Variants in PRKD1 observed in about 807,000 individuals in gnomAD.
The protein encoded by PRKD1 is serine/threonine-protein kinase D1.
PRKD1 carries 63 observed loss-of-function variants against 95.9 expected under a neutral mutation model. The ratio of observed to expected loss-of-function variants is 0.66; its 90% confidence interval spans 0.54 to 0.81. The LOEUF (loss-of-function observed/expected upper bound fraction) is 0.81, where lower values mean the gene tolerates loss of function less well. Among genes scored for constraint, PRKD1 ranks in the 30% least tolerant of loss-of-function variants. PRKD1 has a pLI of 0.00. For missense variants in PRKD1, 1,048 were observed against 1,165.3 expected (o/e 0.90, Z 1.47); for synonymous variants, 425 against 423.1 (o/e 1.00, Z -0.05).
chr14:29,595,254 T>C (rs1386485329), intron 16 of PRKD1, among the ~76,000 whole-genome samples: 1 of 152,222 alleles, frequency 6.6e-6, no homozygotes, highest in Non-Finnish European at 1.5e-5. Flanking sequence ...TCCCTCTTGC[T>C]AAAATGCTAT....
chr14:29,723,938 T>C (rs1335212559), intron 2 of PRKD1, among the ~76,000 whole-genome samples: 1 of 151,458 alleles, frequency 6.6e-6, no homozygotes, highest in Non-Finnish European at 1.5e-5. Context: ...ACATAAAGGG[T>C]GGACAGCAGG....
intron 1 of PRKD1, among the ~76,000 whole-genome samples, chr14:29,794,767 A>G (rs573356924): frequency 2.0e-5 from 3 of 151,204 alleles, no homozygotes; most frequent in Admixed American, 6.6e-5. Context: ...GCTGTATTTT[A>G]TTTTGAATTG....
intron 2 of PRKD1, among the ~76,000 whole-genome samples, chr14:29,693,604 T>G (rs909032522): frequency 2.8e-5 from 4 of 144,716 alleles, no homozygotes; most frequent in African/African-American, 1.1e-4. Context: ...TTCCATGGAC[T>G]GTAAGCACTT....
At chr14:29,683,059 A>G (rs980294882) in intron 2 of PRKD1, among the ~76,000 whole-genome samples, 1 of 152,116 alleles carries the variant, frequency 6.6e-6, no homozygotes. Context: ...GAGGCTTCTG[A>G]GTAGAGATGG....
intron 1 of PRKD1, among the ~76,000 whole-genome samples, chr14:29,780,654 G>T (rs1594512159): frequency 6.6e-6 from 1 of 152,190 alleles, no homozygotes; most frequent in African/African-American, 2.4e-5. Flanking sequence ...TGTTGGAGAG[G>T]ATGTGGAGAA....
intron 1 of PRKD1, among the ~76,000 whole-genome samples, chr14:29,791,799 T>C (rs1157265813): frequency 7.2e-5 from 11 of 152,136 alleles, no homozygotes. Flanking sequence ...ATTCATAGTA[T>C]AGATAGATAT....
At chr14:29,727,757 A>G (rs1886230743) in intron 1 of PRKD1, among the ~76,000 whole-genome samples, 1 of 152,046 alleles carries the variant, frequency 6.6e-6, no homozygotes, top group South Asian at 2.1e-4. Context: ...CTTGGAACCA[A>G]CCCAAATGTC....
intron 2 of PRKD1, among the ~76,000 whole-genome samples, chr14:29,672,718 T>C (rs886068567): frequency 3.9e-5 from 6 of 152,140 alleles, no homozygotes; most frequent in Non-Finnish European, 8.8e-5. Flanking sequence ...TTATATATTC[T>C]AGGTCACAGA....
chr14:29,632,619 C>T (rs1594379444), intron 9 of PRKD1, among the ~76,000 whole-genome samples: 1 of 151,890 alleles, frequency 6.6e-6, no homozygotes, highest in Non-Finnish European at 1.5e-5. Context: ...TCTTCACCTC[C>T]CTCCCTCTCC....
chr14:29,897,723 C>T (rs1421754361), intron 1 of PRKD1, among the ~76,000 whole-genome samples: 1 of 152,136 alleles, frequency 6.6e-6, no homozygotes, highest in Non-Finnish European at 1.5e-5. Context: ...AGAGGTGCAT[C>T]TATGAAAGAC....
chr14:29,629,418 G>A (rs550245717), intron 10 of PRKD1, among the ~76,000 whole-genome samples: 1 of 152,272 alleles, frequency 6.6e-6, no homozygotes, highest in South Asian at 2.1e-4. Context: ...GATTTCTTAA[G>A]TTGTAAAACA....
At chr14:29,888,713 G>A (rs1402754944) in intron 1 of PRKD1, among the ~76,000 whole-genome samples, 1 of 152,094 alleles carries the variant, frequency 6.6e-6, no homozygotes, top group African/African-American at 2.4e-5. Context: ...AAAAAAACCA[G>A]ACACACCACA....
In PRKD1 at chr14:29,638,749, G is replaced by A. The variant is rs764771294; in HGVS notation, c.852C>T (p.Cys284=). 1 of 1,614,080 alleles carries A rather than the reference G, an allele frequency of 6.2e-7. No individual in the cohort carries two copies. Among genetic ancestry groups the A allele is most frequent in the Admixed American group, 1.7e-5 (1 of 60,008 alleles). ...VIHSYTRPTV[C]QYCKKLLKGL... ...CCTTCAGAAGCTTCTTGCAGTACTG[G>A]CACACTGTGGGCCGGGTGTAGGAGT... is the stretch of plus-strand genomic sequence containing the variant. The change falls in exon 5 of 18, where the codon TGC becomes TGT. Residue 284 remains cysteine (C), a synonymous_variant. Transcript: ENST00000331968.
At chr14:29,602,322 G>A (rs1893550225) in intron 13 of PRKD1, among the ~76,000 whole-genome samples, 1 of 152,024 alleles carries the variant, frequency 6.6e-6, no homozygotes, top group African/African-American at 2.4e-5. Context: ...GCTGATCTTA[G>A]ATTCTGAAAG....
At chr14:29,578,405 A>T (rs1485595615) in intron 16 of PRKD1, 45 bp from the exon 17 acceptor site, 13 of 1,376,920 alleles carry the variant, frequency 9.4e-6, no homozygotes, top group Non-Finnish European at 1.3e-5. Flanking sequence ...TCTGTAACAT[A>T]TGCATAATTC....
chr14:29,921,353 T>C (rs934691639), intron 1 of PRKD1, among the ~76,000 whole-genome samples: 16 of 151,540 alleles, frequency 1.1e-4, no homozygotes, highest in African/African-American at 3.6e-4. Flanking sequence ...CATATTGCTT[T>C]TTTTAATATT....
chr14:29,629,352 GC>G (rs1205040846), intron 10 of PRKD1, among the ~76,000 whole-genome samples: 1 of 152,166 alleles, frequency 6.6e-6, no homozygotes, highest in Non-Finnish European at 1.5e-5. Context: ...TACTGGCTTT[GC>G]TACTTCACAG....
At chr14:29,654,439 G>A (rs1468998155) in intron 4 of PRKD1, among the ~76,000 whole-genome samples, 2 of 152,282 alleles carry the variant, frequency 1.3e-5, no homozygotes, top group East Asian at 3.9e-4. Flanking sequence ...CTCCTAAAAT[G>A]CTAGGATTAT....
chr14:29,911,962 C>T (rs565147696), intron 1 of PRKD1, among the ~76,000 whole-genome samples: 1 of 152,286 alleles, frequency 6.6e-6, no homozygotes, highest in South Asian at 2.1e-4. Context: ...CTACCTCCTC[C>T]TGCTTTCCTC....
Sources: allele counts gnomAD v4.1 joint callset (sites outside exome capture counted in the v4.1 genomes callset), GRCh38; gene constraint gnomAD v4.1.1; transcripts MANE v1.5; gene names NCBI Gene and HGNC (gene_info 2026-07-23, HGNC 2026-07-21).